The following NTPCR variants were observed in gnomAD, a reference collection of about 807,000 sequenced individuals.
The protein encoded by NTPCR is nucleoside-triphosphatase, cancer-related.
In NTPCR, 15 loss-of-function variants were observed where a neutral mutation model predicts 19.5. That is an observed-to-expected ratio of 0.77 (90% CI 0.51 to 1.18). The LOEUF (loss-of-function observed/expected upper bound fraction) is 1.18. Among genes scored for constraint, NTPCR ranks in the 50% most tolerant of loss-of-function variants. The probability of loss-of-function intolerance (pLI) is 0.00; values close to 1 mark genes in which losing one functional copy is unlikely to be tolerated. For missense variants in NTPCR, 206 were observed against 240.4 expected, an observed-to-expected ratio of 0.86 and a Z score of 0.95; for synonymous variants, 90 against 95.8, an observed-to-expected ratio of 0.94 and a Z score of 0.36.
At chr1:232,970,515 C>T (rs1355251034) in intron 4 of NTPCR, among the ~76,000 whole-genome samples, 3 of 152,106 alleles carry the variant, frequency 2.0e-5, no homozygotes, top group South Asian at 2.1e-4. Flanking sequence ...CCTTTTAAAG[C>T]TGACCCACTT....
intron 3 of NTPCR, among the ~76,000 whole-genome samples, chr1:232,957,519 T>C (rs909651511): frequency 3.3e-5 from 5 of 152,214 alleles, no homozygotes; most frequent in African/African-American, 1.2e-4. Flanking sequence ...TTTTGTAAGA[T>C]TGGTGATATT....
intron 4 of NTPCR, chr1:232,977,160 T>C (rs1457748905): frequency 6.6e-6 from 1 of 152,252 alleles, no homozygotes; most frequent in African/African-American, 2.4e-5. Flanking sequence ...CAGCCCCTTT[T>C]CCATGGTTCA....
chr1:232,958,260 G>A (rs1668566917), intron 3 of NTPCR, among the ~76,000 whole-genome samples: 2 of 152,218 alleles, frequency 1.3e-5, no homozygotes, highest in Admixed American at 6.5e-5. Flanking sequence ...AGAAGGCCCT[G>A]TAGCCCTGTG....
intron 3 of NTPCR, chr1:232,964,090 T>G (rs1405695744): frequency 6.6e-6 from 1 of 152,258 alleles, no homozygotes; most frequent in Non-Finnish European, 1.5e-5. Context: ...CAATATTCTT[T>G]GTAACATTTC....
intron 4 of NTPCR, 43 bp from the exon 5 acceptor site, chr1:232,978,120 A>G (rs563563388): frequency 4.1e-5 from 62 of 1,512,926 alleles, no homozygotes; most frequent in Middle Eastern, 3.4e-4. Context: ...ATTGAAGAAG[A>G]GGAAAGGAGC....
At chr1:232,959,088 G>C (rs548732337) in intron 3 of NTPCR, among the ~76,000 whole-genome samples, 1 of 152,298 alleles carries the variant, frequency 6.6e-6, no homozygotes, top group Non-Finnish European at 1.5e-5. Context: ...CAGGGGATTT[G>C]ATATGATTTG....
chr1:232,973,348 C>T (rs112932351), intron 4 of NTPCR, among the ~76,000 whole-genome samples: 302 of 152,208 alleles, frequency 2.0e-3, no homozygotes, highest in South Asian at 0.011. Context: ...CAAAAACACC[C>T]GAGAACTCTT....
In NTPCR at chr1:232,983,712, T is replaced by C. The variant is rs1373231697; in HGVS notation, c.*5481T>C. ...GCATGCATGATCACGGTTCTTGTTG[T>C]GAAGCTGCCACCATGTTACGCTTAA... On this transcript the variant is annotated 3_prime_UTR_variant, in exon 5 of 5. Transcript: ENST00000366628. 1 of 152,150 alleles carries C rather than the reference T, an allele frequency of 6.6e-6. No individual in the cohort carries two copies. The highest frequency in any genetic ancestry group is 2.4e-5 in the African/African-American group (1 of 41,448). 9.4% of individuals were successfully genotyped at this position (152,150 alleles called of 1,614,324 possible).
chr1:232,972,617 G>C (rs1454422482), intron 4 of NTPCR, among the ~76,000 whole-genome samples: 1 of 151,222 alleles, frequency 6.6e-6, no homozygotes, highest in Non-Finnish European at 1.5e-5. Flanking sequence ...GTAGAGATGG[G>C]GTTTCACCAT....
In NTPCR at chr1:232,981,126, G is replaced by A. The variant is rs892673463; in HGVS notation, c.*2895G>A. The A allele has an allele frequency of 6.6e-6, 1 of 152,130 alleles. No homozygotes were observed. Among genetic ancestry groups the A allele is most frequent in the Non-Finnish European group, 1.5e-5 (1 of 68,014 alleles). 9.4% of individuals were successfully genotyped at this position (152,130 alleles called of 1,614,324 possible). A position where few individuals can be genotyped will look rare whatever the true frequency, so the allele number is the denominator to read the frequency against. The stretch of plus-strand genomic sequence containing the variant: ...CTTTTCCTCCTTAGCAGATCATACC[G>A]CCAGCTGCTTAACACGTAATAGTTT... On this transcript the variant is annotated 3_prime_UTR_variant, in exon 5 of 5. Transcript: ENST00000366628.
chr1:232,960,015 A>G (rs1287104986), intron 3 of NTPCR, among the ~76,000 whole-genome samples: 3 of 152,022 alleles, frequency 2.0e-5, no homozygotes, highest in Admixed American at 6.6e-5. Flanking sequence ...GTTTGAGACC[A>G]GGCTGGCCAA....
intron 3 of NTPCR, chr1:232,966,691 G>A (rs558997330): frequency 1.2e-4 from 18 of 152,294 alleles, no homozygotes; most frequent in Admixed American, 3.3e-4. Flanking sequence ...TCAATTTTAG[G>A]ACTCTATCTA....
intron 4 of NTPCR, among the ~76,000 whole-genome samples, chr1:232,977,887 T>C (rs1165492427): frequency 6.6e-6 from 1 of 152,162 alleles, no homozygotes; most frequent in Non-Finnish European, 1.5e-5. Flanking sequence ...CTCGTCGGAC[T>C]CACTTCACAG....
intron 3 of NTPCR, chr1:232,964,045 T>C (rs1309616883): frequency 1.3e-5 from 2 of 152,212 alleles, no homozygotes; most frequent in African/African-American, 4.8e-5. Flanking sequence ...AAAAATACTT[T>C]AATCTATCGT....
At chr1:232,965,725 C>T (rs1019796508) in intron 3 of NTPCR, 1 of 152,274 alleles carries the variant, frequency 6.6e-6, no homozygotes, top group East Asian at 1.9e-4. Context: ...CTGGGCTCTC[C>T]GTCTCACTGG....
At chr1:232,978,080 C>A in intron 4 of NTPCR, 83 bp from the exon 5 acceptor site, 2 of 1,182,196 alleles carry the variant, frequency 1.7e-6, no homozygotes, top group South Asian at 1.3e-5. Context: ...GCCTTCCAGG[C>A]GTTTCTTTTA....
intron 3 of NTPCR, among the ~76,000 whole-genome samples, chr1:232,960,147 G>C (rs555299145): frequency 4.2e-4 from 62 of 146,282 alleles, no homozygotes; most frequent in African/African-American, 1.4e-3. Context: ...CCAGGAAGCA[G>C]AGGTGGCAGT....
chr1:232,963,835 CTGTGTGTGTGTGTGTGTGTGTGTG>C (rs886774718), intron 3 of NTPCR: 1 of 136,400 alleles, frequency 7.3e-6, no homozygotes, highest in Admixed American at 7.3e-5. Context: ...TTCTCTCTCT[CTGTGTGTGTGTGTGTGTGTGTGTG>C]TGTGTGTGTT....
In NTPCR at chr1:232,980,580, A is replaced by G. The variant is rs1669256542; in HGVS notation, c.*2349A>G. ...GTTGTATTAGTCAAACAGAATGATC[A>G]TGGAGCATGTATGGAGATGTCAGAT... On this transcript the variant is annotated 3_prime_UTR_variant, in exon 5 of 5. Coordinates refer to ENST00000366628, the MANE Select transcript of NTPCR (RefSeq NM_032324.3). 1 of 152,248 alleles carries G rather than the reference A, an allele frequency of 6.6e-6. No homozygotes were observed. The highest frequency in any genetic ancestry group is 2.4e-5 in the African/African-American group (1 of 41,470). The allele number at this position is 152,248 out of a possible 1,614,324, so 9.4% of individuals were successfully genotyped here. A position where few individuals can be genotyped will look rare whatever the true frequency, so the allele number is the denominator to read the frequency against.
Sources: allele counts gnomAD v4.1 joint callset (sites outside exome capture counted in the v4.1 genomes callset), GRCh38; gene constraint gnomAD v4.1.1; transcripts MANE v1.5; gene names NCBI Gene and HGNC (gene_info 2026-07-23, HGNC 2026-07-21).